The following KDM3B variants were observed in gnomAD, a reference collection of about 807,000 sequenced individuals.
KDM3B encodes lysine demethylase 3B.
A neutral mutation model predicts 170.0 loss-of-function variants in KDM3B; 10 were observed. The observed-to-expected ratio is 0.06, with a 90% CI of 0.04 to 0.10. KDM3B has a LOEUF of 0.10. Ranked by LOEUF, KDM3B falls within the 10% of genes least tolerant of loss-of-function variation. KDM3B has a pLI of 1.00. For synonymous variants in KDM3B, 831 were observed against 834.8 expected (o/e 1.00, Z 0.08); for missense variants, 1,394 against 2,195.2 (o/e 0.64, Z 7.29).
At chr5:138,358,996 A>G (rs1439211548) in intron 1 of KDM3B, among the ~76,000 whole-genome samples, 1 of 124,108 alleles carries the variant, frequency 8.1e-6, no homozygotes, top group Non-Finnish European at 1.6e-5. Context: ...TCCTGTGTCC[A>G]TGTGTTCTCA....
intron 11 of KDM3B, among the ~76,000 whole-genome samples, chr5:138,411,489 C>T (rs1005487234): frequency 1.3e-5 from 2 of 152,200 alleles, no homozygotes; most frequent in East Asian, 3.9e-4. Context: ...CTTGCCTCGG[C>T]GCCTGGGTGG....
intron 11 of KDM3B, among the ~76,000 whole-genome samples, chr5:138,403,677 CAAA>C (rs35608823): frequency 6.0e-5 from 8 of 132,232 alleles, no homozygotes; most frequent in Non-Finnish European, 3.2e-5. Flanking sequence ...AACTCTGTCT[CAAA>C]AAAAAAAAAA....
intron 11 of KDM3B, among the ~76,000 whole-genome samples, chr5:138,402,140 T>G (rs938032909): frequency 6.6e-6 from 1 of 152,134 alleles, no homozygotes; most frequent in African/African-American, 2.4e-5. Context: ...CCCAGTCTGG[T>G]TGCTAATTCC....
intron 9 of KDM3B, among the ~76,000 whole-genome samples, chr5:138,395,293 G>C (rs1222109069): frequency 6.6e-6 from 1 of 152,150 alleles, no homozygotes; most frequent in Non-Finnish European, 1.5e-5. Context: ...AAGAATAGCA[G>C]TCCAGGGACC....
chr5:138,387,025 A>G (rs1762280809), intron 7 of KDM3B, among the ~76,000 whole-genome samples: 1 of 152,202 alleles, frequency 6.6e-6, no homozygotes, highest in African/African-American at 2.4e-5. Flanking sequence ...TGTGCAAGCT[A>G]CCATTACCCT....
At chr5:138,411,761 G>A (rs527463142) in intron 11 of KDM3B, among the ~76,000 whole-genome samples, 2 of 149,880 alleles carry the variant, frequency 1.3e-5, no homozygotes, top group South Asian at 4.2e-4. Context: ...GTGCAGTGGT[G>A]CAATCTTAGC....
intron 10 of KDM3B, among the ~76,000 whole-genome samples, chr5:138,399,021 T>C (rs112749992): frequency 0.027 from 4,120 of 151,198 alleles, 83 homozygotes; most frequent in Middle Eastern, 0.038. Flanking sequence ...CCTGAGTAGC[T>C]GGGACTACAG....
intron 11 of KDM3B, among the ~76,000 whole-genome samples, chr5:138,409,256 A>G (rs1375076407): frequency 6.6e-6 from 1 of 152,182 alleles, no homozygotes; most frequent in Non-Finnish European, 1.5e-5. Context: ...AAGAAGTAAA[A>G]TGATTTTTAT....
At chr5:138,378,229 T>G (rs1251083075) in intron 4 of KDM3B, among the ~76,000 whole-genome samples, 2 of 152,048 alleles carry the variant, frequency 1.3e-5, no homozygotes, top group Admixed American at 6.6e-5. Context: ...TGAGTTTTAG[T>G]TTTTTTTATT....
intron 16 of KDM3B, among the ~76,000 whole-genome samples, chr5:138,425,106 T>C (rs1407381195): frequency 6.6e-6 from 1 of 152,254 alleles, no homozygotes; most frequent in Non-Finnish European, 1.5e-5. Context: ...TCATTTTCAA[T>C]ATGAGGAAGT....
At chr5:138,414,614 A>C (rs751234418) in intron 11 of KDM3B, among the ~76,000 whole-genome samples, 1 of 152,210 alleles carries the variant, frequency 6.6e-6, no homozygotes, top group East Asian at 1.9e-4. Flanking sequence ...CAGTTTCTCT[A>C]AACTCACTGA....
At chr5:138,400,044 G>A (rs1363796125) in intron 11 of KDM3B, 32 bp downstream of exon 11, 2 of 1,609,800 alleles carry the variant, frequency 1.2e-6, no homozygotes, top group African/African-American at 2.7e-5. Flanking sequence ...TAGCTCGAAA[G>A]GTAACGTGGA....
At chr5:138,358,280 C>T (rs1445610203) in intron 1 of KDM3B, among the ~76,000 whole-genome samples, 4 of 145,818 alleles carry the variant, frequency 2.7e-5, no homozygotes, top group African/African-American at 5.0e-5. Flanking sequence ...CCGCGCTCGG[C>T]GGGAATTTTT....
intron 15 of KDM3B, among the ~76,000 whole-genome samples, chr5:138,421,437 C>T (rs1386174450): frequency 2.0e-5 from 3 of 152,176 alleles, no homozygotes; most frequent in Non-Finnish European, 4.4e-5. Flanking sequence ...ATTTGGGACT[C>T]GCCTGTCTTA....
Position 138,419,014 on chromosome 5 carries a change from G to A in KDM3B, c.3497G>A (p.Gly1166Glu). Residue 1166 changes from glycine to glutamate, a missense_variant, in exon 14 of 24, where the codon GGA becomes GAA. Transcript: ENST00000314358. ...GAAACTACCTTCTCTGGTGGAGGAGGACCGGCACCAGTAACAACTCCAGAG... is the reference window on the plus strand; with the variant it reads ...GAAACTACCTTCTCTGGTGGAGGAGAACCGGCACCAGTAACAACTCCAGAG... The part of the protein sequence containing the change: ...GNETTFSGGG[G>E]PAPVTTPEPD... 1 of 1,614,118 alleles carries A rather than the reference G, an allele frequency of 6.2e-7. No individual in the cohort carries two copies. Among genetic ancestry groups the A allele is most frequent in the Non-Finnish European group, 8.5e-7 (1 of 1,180,014 alleles).
chr5:138,365,268 T>C (rs147553205), intron 1 of KDM3B, among the ~76,000 whole-genome samples: 2 of 152,320 alleles, frequency 1.3e-5, no homozygotes, highest in Non-Finnish European at 2.9e-5. Context: ...TTTTCTTTCT[T>C]TCTTTTTATG....
At chr5:138,388,025 G>C (rs1328804052) in intron 7 of KDM3B, among the ~76,000 whole-genome samples, 1 of 152,068 alleles carries the variant, frequency 6.6e-6, no homozygotes, top group Non-Finnish European at 1.5e-5. Flanking sequence ...AGCTTGCAGT[G>C]AGCCGAGATT....
At chr5:138,419,929 C>T (rs115329371) in intron 14 of KDM3B, among the ~76,000 whole-genome samples, 2,054 of 151,202 alleles carry the variant, frequency 0.014, 22 homozygotes, top group Non-Finnish European at 0.02. Flanking sequence ...CCTGGAGTTC[C>T]GGCTGGAGTG....
At chr5:138,398,452 C>A in intron 10 of KDM3B, 60 bp downstream of exon 10, 2 of 1,460,454 alleles carry the variant, frequency 1.4e-6, no homozygotes, top group Non-Finnish European at 1.9e-6. Flanking sequence ...TATTTTCTTT[C>A]ACTTAACGGG....
Sources: allele counts gnomAD v4.1 joint callset (sites outside exome capture counted in the v4.1 genomes callset), GRCh38; gene constraint gnomAD v4.1.1; transcripts MANE v1.5; gene names NCBI Gene and HGNC (gene_info 2026-07-23, HGNC 2026-07-21).